HUNK: variants seen among roughly 807,000 people sequenced by gnomAD.
HUNK encodes hormonally up-regulated Neu-associated kinase, also known as hormonally up-regulated neu tumor-associated kinase.
HUNK carries 21 observed loss-of-function variants against 61.0 expected under a neutral mutation model. The ratio of observed to expected loss-of-function variants is 0.34; its 90% CI spans 0.24 to 0.50. HUNK has a LOEUF of 0.50. Ranked by LOEUF, HUNK falls within the 20% of genes least tolerant of loss-of-function variation. HUNK has a pLI of 0.98. For synonymous variants in HUNK, 371 were observed against 386.1 expected, an observed-to-expected ratio of 0.96 and a Z score of 0.46; for missense variants, 772 against 945.7, an observed-to-expected ratio of 0.82 and a Z score of 2.41.
At chr21:31,980,066 T>C (rs899848209) in intron 7 of HUNK, among the ~76,000 whole-genome samples, 3 of 147,444 alleles carry the variant, frequency 2.0e-5, no homozygotes, top group African/African-American at 7.4e-5. Flanking sequence ...GGATCTTGTT[T>C]GTTTGTTTAT....
chr21:31,946,693 C>G (rs2052805874), intron 4 of HUNK, among the ~76,000 whole-genome samples: 4 of 152,160 alleles, frequency 2.6e-5, no homozygotes, highest in Admixed American at 2.6e-4. Context: ...CAGCTCACTG[C>G]AACCTCCCCT....
intron 4 of HUNK, among the ~76,000 whole-genome samples, chr21:31,954,742 A>G (rs1304670388): frequency 6.6e-6 from 1 of 152,140 alleles, no homozygotes; most frequent in East Asian, 1.9e-4. Flanking sequence ...GATTCCGGAG[A>G]TGTGCAGTGG....
rs768998000 is a variant in HUNK, at chr21:31,924,565, AC to A, written c.363del (p.Asn122IlefsTer9). The A allele has an allele frequency of 1.4e-5, 23 of 1,614,070 alleles. No individual in the cohort carries two copies. Among genetic ancestry groups the A allele is most frequent in the Non-Finnish European group, 1.9e-5 (23 of 1,180,038 alleles). ...GGTCAGATCCAGCAGATGATCCGCC[AC>A]CCCAATATCACTCAGCTCCTTGATA... is the stretch of plus-strand genomic sequence containing the variant. ...REGQIQQMIR[H>X]PNITQLLDIL... On this transcript the variant is annotated frameshift_variant, in exon 2 of 11. Coordinates refer to ENST00000270112, the MANE Select transcript of HUNK (RefSeq NM_014586.2). LOFTEE classifies it high-confidence loss of function. The surrounding 1 kb of genome is among the most constrained non-coding windows in gnomAD (Gnocchi z 5.1).
chr21:31,936,411 T>C (rs1205611230), intron 2 of HUNK, among the ~76,000 whole-genome samples: 1 of 152,220 alleles, frequency 6.6e-6, no homozygotes, highest in Non-Finnish European at 1.5e-5. Context: ...GAATGTTCTT[T>C]TCTTTTGCGT....
rs745317426 is a variant in HUNK, at chr21:31,990,130, C to G, written c.1259C>G (p.Ala420Gly). The G allele has an allele frequency of 3.1e-6, 5 of 1,613,734 alleles. No individual in the cohort carries two copies. Among genetic ancestry groups the G allele is most frequent in the Non-Finnish European group, 3.4e-6 (4 of 1,179,718 alleles). Reference sequence around the variant, plus strand: ...GTTGAAGGATGTTCCTTTTCACAGGCCTCTCTGGACACCTGGACACGAGAT... The same window carrying G: ...GTTGAAGGATGTTCCTTTTCACAGGGCTCTCTGGACACCTGGACACGAGAT... ...KYRAPKESYE[A>G]SLDTWTRDLE... Residue 420 changes from alanine to glycine, a missense_variant and splice_region_variant, in exon 9 of 11, where the codon GCC (alanine) becomes GGC (glycine). By Grantham distance (60) the Ala-to-Gly change is moderately conservative. This residue lies in a region of HUNK where 413 missense variants were observed against 444.4 expected (regional missense o/e 0.93). Coordinates refer to ENST00000270112, the MANE Select transcript of HUNK (RefSeq NM_014586.2).
Position 31,998,606 on chromosome 21 carries a change from G to A in HUNK, c.1567G>A (p.Val523Met), listed in dbSNP as rs771941685. Residue 523 changes from valine (V) to methionine (M), a missense_variant, in exon 11 of 11, where the codon GTG (valine) becomes ATG (methionine). Physicochemically the swap from Val to Met is conservative, Grantham distance 21. Around this residue, in one of 2 missense-constraint regions of HUNK, gnomAD observed 413 missense variants for 444.4 expected, o/e 0.93. Coordinates refer to ENST00000270112, the MANE Select transcript of HUNK (RefSeq NM_014586.2). ...VASSSMEFIP[V>M]PPPRTPRIVK... ...TTCTTCTTCCATGGAGTTCATCCCCGTGCCACCGCCCAGGACCCCGAGGAT... is the reference window on the plus strand; with the variant it reads ...TTCTTCTTCCATGGAGTTCATCCCCATGCCACCGCCCAGGACCCCGAGGAT... 5.0e-6 allele frequency: 8 copies of A among 1,613,784 alleles called. No individual in the cohort carries two copies. The highest frequency in any genetic ancestry group is 4.5e-5 in the East Asian group (2 of 44,878).
chr21:31,886,240 A>G (rs1480785847), intron 1 of HUNK, among the ~76,000 whole-genome samples: 1 of 152,082 alleles, frequency 6.6e-6, no homozygotes, highest in African/African-American at 2.4e-5. Flanking sequence ...TGGCCAACAC[A>G]GTGAAACCCT....
chr21:31,931,883 C>G (rs1233665626), intron 2 of HUNK, among the ~76,000 whole-genome samples: 1 of 152,166 alleles, frequency 6.6e-6, no homozygotes, highest in Non-Finnish European at 1.5e-5. Flanking sequence ...TGCCTTCTCC[C>G]ATCCCACAAC....
intron 1 of HUNK, among the ~76,000 whole-genome samples, chr21:31,887,890 T>TA (rs1429613739): frequency 1.3e-5 from 2 of 152,136 alleles, no homozygotes; most frequent in African/African-American, 4.8e-5. Flanking sequence ...TCCAAATCAG[T>TA]AAAAACCTGC....
intron 2 of HUNK, among the ~76,000 whole-genome samples, chr21:31,939,185 C>G (rs1018997502): frequency 6.6e-6 from 1 of 152,120 alleles, no homozygotes; most frequent in Non-Finnish European, 1.5e-5. Flanking sequence ...TTCATTCCAT[C>G]TGGAACTTAA....
intron 10 of HUNK, 117 bp downstream of exon 10, chr21:31,996,065 A>G: frequency 1.2e-6 from 1 of 803,180 alleles, no homozygotes; most frequent in Non-Finnish European, 1.9e-6. Context: ...CTGTGCCCAC[A>G]GAAAAGCAGG....
At chr21:31,975,651 C>T (rs2053043449) in intron 7 of HUNK, among the ~76,000 whole-genome samples, 1 of 136,672 alleles carries the variant, frequency 7.3e-6, no homozygotes, top group African/African-American at 2.8e-5. Context: ...AAGACATTTA[C>T]CATCCAGAAC....
intron 4 of HUNK, among the ~76,000 whole-genome samples, chr21:31,956,183 T>C (rs1229696787): frequency 2.6e-5 from 4 of 152,206 alleles, no homozygotes; most frequent in Admixed American, 6.5e-5. Context: ...GAAGTGCTGA[T>C]CATGGAAGAG....
chr21:31,979,935 T>C (rs1181732962), intron 7 of HUNK, among the ~76,000 whole-genome samples: 1 of 152,230 alleles, frequency 6.6e-6, no homozygotes, highest in East Asian at 1.9e-4. Flanking sequence ...TTGATGTAAT[T>C]ACATTTGTCT....
At chr21:31,976,937 A>T (rs1181731791) in intron 7 of HUNK, among the ~76,000 whole-genome samples, 1 of 151,294 alleles carries the variant, frequency 6.6e-6, no homozygotes, top group Non-Finnish European at 1.5e-5. Context: ...TGACCAACTA[A>T]TTTTTGTATT....
intron 4 of HUNK, among the ~76,000 whole-genome samples, chr21:31,955,426 GAAA>G (rs375947112): frequency 7.8e-4 from 102 of 130,480 alleles, no homozygotes; most frequent in African/African-American, 1.1e-3. Flanking sequence ...CCGTCTCTAC[GAAA>G]AAAAAAAAAA....
rs138293809 is a variant in HUNK, at chr21:31,896,208, C to G, written c.261+22273C>G. ...AGTTCTGTTGTTGGAGCTGCCCAGT[C>G]TATAATCCTTTGTTTTGGCAGCCCG... On this transcript the variant is annotated intron_variant, in intron 1 of 10. Coordinates refer to ENST00000270112, the MANE Select transcript of HUNK (RefSeq NM_014586.2). 6.7e-3 allele frequency among the ~76,000 whole-genome samples: 1,028 copies of G among 152,310 alleles called. 12 individuals are homozygous for G. The highest frequency in any genetic ancestry group is 0.037 in the South Asian group (179 of 4,830).
At chr21:31,921,807 TTTTTTGTTTTC>T (rs1489554590) in intron 1 of HUNK, among the ~76,000 whole-genome samples, 5 of 152,310 alleles carry the variant, frequency 3.3e-5, no homozygotes, top group Admixed American at 2.0e-4. Flanking sequence ...ACTTTTTCCC[TTTTTTGTTTTC>T]TTTTTGTTTT....
At chr21:31,989,801 T>TGCTG (rs986148807) in intron 8 of HUNK, among the ~76,000 whole-genome samples, 7 of 151,376 alleles carry the variant, frequency 4.6e-5, no homozygotes, top group African/African-American at 7.3e-5. Context: ...ACCTTCCAGA[T>TGCTG]GCTGGCTGTG....
Sources: allele counts gnomAD v4.1 joint callset (sites outside exome capture counted in the v4.1 genomes callset), GRCh38; gene constraint gnomAD v4.1.1; regional missense constraint gnomAD v4.1.1; non-coding constraint Gnocchi (gnomAD v3.1); transcripts MANE v1.5; gene names NCBI Gene and HGNC (gene_info 2026-07-23, HGNC 2026-07-21).